YRDC: variants seen among roughly 807,000 people sequenced by gnomAD.
YRDC encodes threonylcarbamoyl-AMP synthase.
A neutral mutation model predicts 21.5 loss-of-function variants in YRDC; 17 were observed. That is an observed-to-expected ratio of 0.79 (90% CI 0.54 to 1.19). The LOEUF is 1.19. Among genes scored for constraint, YRDC ranks in the 50% most tolerant of loss-of-function variants. The probability of loss-of-function intolerance (pLI) is 0.00; values close to 1 mark genes in which losing one functional copy is unlikely to be tolerated. For synonymous variants in YRDC, 193 were observed against 176.7 expected, an observed-to-expected ratio of 1.09 and a Z score of -0.73; for missense variants, 380 against 397.1, an observed-to-expected ratio of 0.96 and a Z score of 0.37.
In YRDC at chr1:37,807,340, C is replaced by G. The variant is rs534212461; in HGVS notation, c.390-125G>C. The G allele has an allele frequency of 4.7e-5, 41 of 876,976 alleles. No homozygotes were observed. The Admixed American group carries it at 5.9e-4, about 13-fold the overall frequency. The allele number at this position is 876,976 out of a possible 1,614,324, so 54.3% of individuals were successfully genotyped here. A position where few individuals can be genotyped will look rare whatever the true frequency, so the allele number is the denominator to read the frequency against. The stretch of plus-strand genomic sequence containing the variant: ...ACAATGGGAGCCGCCTGTCTCCCTG[C>G]TTCACCTCCCTAAGAGCTTGAGCAG... On this transcript the variant is annotated intron_variant, in intron 1 of 4. Transcript: ENST00000373044.
At chr1:37,805,642 C>A (rs572933737) in intron 3 of YRDC, among the ~76,000 whole-genome samples, 1 of 152,314 alleles carries the variant, frequency 6.6e-6, no homozygotes, top group South Asian at 2.1e-4. Context: ...GTGCCACATC[C>A]CGATTCTTGC....
Position 37,804,246 on chromosome 1 carries a change from TG to T in YRDC, c.767+55del. 4.4e-6 allele frequency: 7 copies of T among 1,577,014 alleles called. No homozygotes were observed. The South Asian group carries it at 8.0e-5, about 18-fold the overall frequency. On this transcript the variant is annotated intron_variant, in intron 4 of 4. Transcript: ENST00000373044. ...CATCTTTATCTTGTCAAAGCTTTTT[TG>T]CATCTCTCCAACCTCCCTCAAATTA...
intron 3 of YRDC, 144 bp downstream of exon 3, chr1:37,806,713 C>G: frequency 7.6e-7 from 1 of 1,317,674 alleles, no homozygotes; most frequent in South Asian, 1.5e-5. Flanking sequence ...CCCCCACCAC[C>G]TCCCTGCCAG....
chr1:37,805,965 T>C (rs952641528), intron 3 of YRDC, among the ~76,000 whole-genome samples: 1 of 152,218 alleles, frequency 6.6e-6, no homozygotes, highest in African/African-American at 2.4e-5. Flanking sequence ...CAATGTAGCT[T>C]ATTACTACGT....
Position 37,803,746 on chromosome 1 carries a change from C to G in YRDC, c.*179G>C. 1 of 572,546 alleles carries G rather than the reference C, an allele frequency of 1.7e-6. No homozygotes were observed. Among genetic ancestry groups the G allele is most frequent in the South Asian group, 2.6e-5 (1 of 38,178 alleles). 35.5% of individuals were successfully genotyped at this position (572,546 alleles called of 1,614,324 possible). A position where few individuals can be genotyped will look rare whatever the true frequency, so the allele number is the denominator to read the frequency against. On this transcript the variant is annotated 3_prime_UTR_variant, in exon 5 of 5. Transcript: ENST00000373044. ...AATAAATACATCCTTTCCCCAGGTG[C>G]AAGGCTAAACCAGCAGCTCCAAGGG...
At position 37,808,080 on chromosome 1, in the gene YRDC, C is replaced by A; in HGVS notation, c.101G>T (p.Arg34Leu). ...PAGSRSGRLF[R>L]PPSPAPAAPG... The stretch of plus-strand genomic sequence containing the variant: ...GGCCGCCGGAGCGGGACTCGGCGGG[C>A]GGAAGAGGCGACCGCTCCGGGAGCC... Residue 34 changes from arginine (R) to leucine (L), a missense_variant, in exon 1 of 5, where the codon CGC (arginine) becomes CTC (leucine). Arg to Leu is a moderately radical substitution (Grantham distance 102). Around this residue, in one of 3 missense-constraint regions of YRDC, gnomAD observed 91 missense variants for 64.7 expected, o/e 1.41. Coordinates refer to ENST00000373044, the MANE Select transcript of YRDC (RefSeq NM_024640.4). The A allele has an allele frequency of 2.9e-6, 4 of 1,365,838 alleles. No homozygotes were observed. The highest frequency in any genetic ancestry group is 1.7e-5 in the South Asian group (1 of 58,918). The allele number at this position is 1,365,838 out of a possible 1,614,324, so 84.6% of individuals were successfully genotyped here.
At chr1:37,807,716 T>A (rs1160638710) in intron 1 of YRDC, 76 bp downstream of exon 1, 7 of 1,383,974 alleles carry the variant, frequency 5.1e-6, no homozygotes, top group Non-Finnish European at 6.6e-6. Context: ...TCTCTGCGCC[T>A]CAGTCTCCCA....
chr1:37,806,816 G>A (rs754109025), intron 3 of YRDC, 41 bp downstream of exon 3: 1 of 1,613,430 alleles, frequency 6.2e-7, no homozygotes, highest in South Asian at 1.1e-5. Context: ...AACAGTATGT[G>A]CGCTGGTGAC....
chr1:37,805,162 A>G (rs1646726548), intron 3 of YRDC, among the ~76,000 whole-genome samples: 1 of 152,208 alleles, frequency 6.6e-6, no homozygotes, highest in South Asian at 2.1e-4. Context: ...CGGGAGGCTG[A>G]GGCAGGAGAA....
Position 37,806,946 on chromosome 1 carries a change from A to C in YRDC, c.535T>G (p.Phe179Val). Residue 179 changes from phenylalanine (F) to valine (V), a missense_variant, in exon 3 of 5, where the codon TTT becomes GTT. Phe to Val is a conservative substitution (Grantham distance 50, BLOSUM62 -1). This residue lies in a region of YRDC where 238 missense variants were observed against 236.5 expected (regional missense o/e 1.01). Transcript: ENST00000373044. ...AACATCTGAGCCAAGTCTTGCATAA[A>C]AGCATGATCAGGAATCCGAATGCCT... ...LVGIRIPDHA[F>V]MQDLAQMFEG... 6.2e-7 allele frequency: 1 copy of C among 1,614,218 alleles called. No homozygotes were observed.
intron 4 of YRDC, 131 bp downstream of exon 4, chr1:37,804,171 C>T (rs1406619313): frequency 1.3e-5 from 19 of 1,468,664 alleles, no homozygotes; most frequent in Non-Finnish European, 1.8e-5. Context: ...ACTGCAACTA[C>T]CACTTCTCCA....
intron 4 of YRDC, 68 bp downstream of exon 4, chr1:37,804,234 T>A: frequency 6.4e-7 from 1 of 1,569,006 alleles, no homozygotes; most frequent in Non-Finnish European, 8.7e-7. Flanking sequence ...CTTTATCTTG[T>A]CAAAGCTTTT....
At chr1:37,806,401 C>T (rs1218752195) in intron 3 of YRDC, among the ~76,000 whole-genome samples, 1 of 152,100 alleles carries the variant, frequency 6.6e-6, no homozygotes, top group Non-Finnish European at 1.5e-5. Flanking sequence ...GGAGTTTTGC[C>T]ATGTTAGCCA....
intron 3 of YRDC, among the ~76,000 whole-genome samples, chr1:37,804,689 G>A (rs191489271): frequency 6.6e-6 from 1 of 152,290 alleles, no homozygotes; most frequent in Non-Finnish European, 1.5e-5. Context: ...ATCTTGCTAT[G>A]TCAAAAGGAA....
chr1:37,806,132 C>T (rs937276603), intron 3 of YRDC, among the ~76,000 whole-genome samples: 1 of 151,844 alleles, frequency 6.6e-6, no homozygotes, highest in Non-Finnish European at 1.5e-5. Context: ...GGTTAAAAAT[C>T]TGAGTCAGTC....
intron 3 of YRDC, among the ~76,000 whole-genome samples, chr1:37,806,258 T>A (rs1318167279): frequency 6.6e-6 from 1 of 151,918 alleles, no homozygotes; most frequent in East Asian, 1.9e-4. Context: ...TGGAGTACAG[T>A]GGCACAATCT....
Position 37,808,145 on chromosome 1 carries a change from G to T in YRDC, c.36C>A (p.Ala12=), listed in dbSNP as rs1030377194. 11 of 1,471,684 alleles carry T rather than the reference G, an allele frequency of 7.5e-6. No homozygotes were observed. The highest frequency in any genetic ancestry group is 9.8e-6 in the Non-Finnish European group (11 of 1,118,526). The allele number at this position is 1,471,684 out of a possible 1,614,324, so 91.2% of individuals were successfully genotyped here. ...SPARRCRGMR[A]AVAASVGLSE... ...TCAACCCCACGCTGGCAGCCACCGCGGCCCTCATCCCCCTGCACCGACGCG... is the reference window on the plus strand; with the variant it reads ...TCAACCCCACGCTGGCAGCCACCGCTGCCCTCATCCCCCTGCACCGACGCG... Residue 12 remains alanine (A), a synonymous_variant, in exon 1 of 5, where the codon GCC becomes GCA. Coordinates refer to ENST00000373044, the MANE Select transcript of YRDC (RefSeq NM_024640.4).
intron 3 of YRDC, among the ~76,000 whole-genome samples, chr1:37,806,345 C>T (rs1327486946): frequency 2.6e-5 from 4 of 152,136 alleles, no homozygotes; most frequent in African/African-American, 9.7e-5. Flanking sequence ...GGATTACAGG[C>T]ATGCGCCACC....
chr1:37,804,510 C>T (rs530772921), intron 3 of YRDC, 66 bp from the exon 4 acceptor site: 67 of 1,545,196 alleles, frequency 4.3e-5, no homozygotes, highest in South Asian at 2.8e-4. Context: ...TCAAACTGCA[C>T]GCAGTCATCA....
Sources: allele counts gnomAD v4.1 joint callset (sites outside exome capture counted in the v4.1 genomes callset), GRCh38; gene constraint gnomAD v4.1.1; regional missense constraint gnomAD v4.1.1; transcripts MANE v1.5; gene names NCBI Gene and HGNC (gene_info 2026-07-23, HGNC 2026-07-21).